Variants in LRRC43 observed in about 807,000 individuals in gnomAD.
LRRC43 encodes the protein leucine rich repeat containing 43, also known as leucine-rich repeat-containing protein 43.
Under a neutral mutation model 64.3 loss-of-function variants are expected in LRRC43, and 62 were observed. The ratio of observed to expected loss-of-function variants is 0.96; its 90% CI spans 0.79 to 1.19. The LOEUF is 1.19. LRRC43 is among the 50% of genes most tolerant of loss of function. The pLI is 0.00. For missense variants in LRRC43, 868 were observed against 845.0 expected (o/e 1.03, Z -0.34); for synonymous variants, 422 against 382.3 (o/e 1.10, Z -1.21).
chr12:122,180,010 C>T (rs1445037411), upstream of LRRC43, among the ~76,000 whole-genome samples: 2 of 147,182 alleles, frequency 1.4e-5, no homozygotes, highest in East Asian at 2.0e-4. Flanking sequence ...AGAAAAGTAA[C>T]ACCAGAAATA....
At chr12:122,179,375 C>A (rs894315622), upstream of LRRC43, among the ~76,000 whole-genome samples, 8 of 152,148 alleles carry the variant, frequency 5.3e-5, no homozygotes, top group African/African-American at 1.9e-4. Flanking sequence ...CAAAGTGCTG[C>A]GACTGTAGGT....
At position 122,184,417 on chromosome 12, in the gene LRRC43, AT is replaced by A. The variant is rs1953616557; in HGVS notation, c.151-101del. ...CCTACTCTCTAGATTTCTAAACTCT[AT>A]CCCTAATCGTCCAGTTTTATGATCT... On this transcript the variant is annotated intron_variant, in intron 1 of 11. Transcript: ENST00000339777. This position sits in a 1 kb window ranked among gnomAD's most constrained non-coding sequence, Gnocchi z 4.0. 8.5e-6 allele frequency: 12 copies of A among 1,416,124 alleles called. No individual in the cohort carries two copies. Among genetic ancestry groups the A allele is most frequent in the Admixed American group, 4.5e-5 (2 of 44,230 alleles). 87.7% of individuals were successfully genotyped at this position (1,416,124 alleles called of 1,614,324 possible).
At chr12:122,198,762 T>G (rs1477501028) in intron 7 of LRRC43, among the ~76,000 whole-genome samples, 1 of 147,352 alleles carries the variant, frequency 6.8e-6, no homozygotes, top group Non-Finnish European at 1.5e-5. Flanking sequence ...CCCAAGTAGC[T>G]GGGCTTACAG....
chr12:122,200,193 G>C lies in LRRC43; in HGVS notation c.1354G>C (p.Val452Leu). ...DPRLCPSPGT[V>L]LFSTAHKPWA... ...CTTCATCCCTCCCTCCCCAAGGACT[G>C]TCCTCTTCAGCACTGCCCACAAGCC... Residue 452 changes from valine (V) to leucine (L), a missense_variant, in exon 8 of 12, where the codon GTC becomes CTC. By Grantham distance (32) the Val-to-Leu change is conservative. Coordinates refer to ENST00000339777, the MANE Select transcript of LRRC43 (RefSeq NM_001098519.2). The surrounding 1 kb of genome is among the most constrained non-coding windows in gnomAD (Gnocchi z 4.6). 2 of 1,613,462 alleles carry C rather than the reference G, an allele frequency of 1.2e-6. No individual in the cohort carries two copies. The highest frequency in any genetic ancestry group is 1.7e-6 in the Non-Finnish European group (2 of 1,179,744).
chr12:122,187,181 A>G (rs1040935281), intron 3 of LRRC43, among the ~76,000 whole-genome samples: 1 of 152,084 alleles, frequency 6.6e-6, no homozygotes, highest in Non-Finnish European at 1.5e-5. Flanking sequence ...CAGTGAGCCA[A>G]GATTGTGCCA....
intron 1 of LRRC43, among the ~76,000 whole-genome samples, chr12:122,173,552 C>T (rs1162268953): frequency 2.0e-5 from 3 of 152,128 alleles, no homozygotes; most frequent in African/African-American, 2.4e-5. Flanking sequence ...GGCGTGGTGG[C>T]GCATGCCTGT....
intron 1 of LRRC43, among the ~76,000 whole-genome samples, chr12:122,169,113 CT>C (rs984262037): frequency 6.6e-6 from 1 of 152,146 alleles, no homozygotes; most frequent in African/African-American, 2.4e-5. Context: ...CCCCTGCCAC[CT>C]TACCGTATTC....
chr12:122,174,539 A>G (rs1289212360), intron 1 of LRRC43, among the ~76,000 whole-genome samples: 1 of 152,140 alleles, frequency 6.6e-6, no homozygotes, highest in East Asian at 1.9e-4. Context: ...CCATACCACC[A>G]AGGAGCGGGT....
upstream of LRRC43, among the ~76,000 whole-genome samples, chr12:122,181,233 T>G (rs1953577917): frequency 6.7e-6 from 1 of 150,300 alleles, no homozygotes; most frequent in Non-Finnish European, 1.5e-5. Context: ...AAAAAAAGGA[T>G]ATTTTCTTCT....
intron 1 of LRRC43, among the ~76,000 whole-genome samples, chr12:122,173,582 G>A (rs937512815): frequency 2.0e-5 from 3 of 152,018 alleles, no homozygotes; most frequent in Admixed American, 1.3e-4. Context: ...TACTCGGGAG[G>A]CTGAGGCAGG....
At chr12:122,174,011 C>G (rs372020143) in intron 1 of LRRC43, 93 of 1,613,554 alleles carry the variant, frequency 5.8e-5, no homozygotes, top group Non-Finnish European at 7.5e-5. Flanking sequence ...AGAACGATGC[C>G]GTGAGCGCAT....
At chr12:122,192,106 C>T (rs1023458897) in intron 6 of LRRC43, among the ~76,000 whole-genome samples, 1 of 151,874 alleles carries the variant, frequency 6.6e-6, no homozygotes, top group African/African-American at 2.4e-5. Context: ...ATAAGTCAGC[C>T]CCTTGTTCCC....
At chr12:122,203,033 G>A in intron 11 of LRRC43, among the ~76,000 whole-genome samples, 1 of 152,190 alleles carries the variant, frequency 6.6e-6, no homozygotes. Flanking sequence ...GGAGGTTGCA[G>A]TGAGCCGGGA....
At chr12:122,198,213 CTGACCT>C (rs1953791285) in intron 7 of LRRC43, among the ~76,000 whole-genome samples, 1 of 152,124 alleles carries the variant, frequency 6.6e-6, no homozygotes, top group African/African-American at 2.4e-5. Context: ...ACCAGAACTC[CTGACCT>C]TAAGTGATTC....
chr12:122,190,510 T>C, intron 5 of LRRC43, 142 bp downstream of exon 5: 1 of 652,904 alleles, frequency 1.5e-6, no homozygotes, highest in South Asian at 1.9e-5. Flanking sequence ...ATAGCCTCTC[T>C]TCTGGGTCAG....
chr12:122,182,113 C>T (rs1485062007), upstream of LRRC43, among the ~76,000 whole-genome samples: 2 of 150,968 alleles, frequency 1.3e-5, no homozygotes, highest in Non-Finnish European at 2.9e-5. Context: ...CATGGCTGGG[C>T]GTGGTGGCTC....
chr12:122,193,628 G>A (rs1352262261), intron 7 of LRRC43, among the ~76,000 whole-genome samples: 2 of 152,124 alleles, frequency 1.3e-5, no homozygotes, highest in African/African-American at 2.4e-5. Context: ...GCAGTGGTGC[G>A]ATCTCAGCTT....
At position 122,183,305 on chromosome 12, in the gene LRRC43, CG is replaced by C; in HGVS notation, c.150+15del. ...GGTGCCGGCAGCTGGGTGCGGGCGC[CG>C]GGGCCGGAACTCTGGGGGCCTGGAC... On this transcript the variant is annotated intron_variant, in intron 1 of 11. Coordinates refer to ENST00000339777, the MANE Select transcript of LRRC43 (RefSeq NM_001098519.2). 1 of 1,488,394 alleles carries C rather than the reference CG, an allele frequency of 6.7e-7. No homozygotes were observed. The highest frequency in any genetic ancestry group is 1.4e-5 in the South Asian group (1 of 73,872). The allele number at this position is 1,488,394 out of a possible 1,614,324, so 92.2% of individuals were successfully genotyped here.
chr12:122,200,532 A>T lies in LRRC43; in HGVS notation c.1492A>T (p.Ile498Phe), dbSNP rs762168479. 3.1e-6 allele frequency: 5 copies of T among 1,613,936 alleles called. No individual in the cohort carries two copies. In the Admixed American group the frequency reaches 8.3e-5, roughly 27 times the overall value. Residue 498 changes from isoleucine (I) to phenylalanine (F), a missense_variant and splice_region_variant, in exon 9 of 12, where the codon ATT (isoleucine) becomes TTT (phenylalanine). By Grantham distance (21) the Ile-to-Phe change is conservative. Coordinates refer to ENST00000339777, the MANE Select transcript of LRRC43 (RefSeq NM_001098519.2). The surrounding 1 kb of genome is among the most constrained non-coding windows in gnomAD (Gnocchi z 4.6). ...GTTVTIVEEK[I>F]LSWPVVLPAV... The stretch of plus-strand genomic sequence containing the variant: ...CTCGAGGATTCTCTCCTGCCCCTAG[A>T]TTCTCTCCTGGCCTGTGGTGCTACC...
Sources: allele counts gnomAD v4.1 joint callset (sites outside exome capture counted in the v4.1 genomes callset), GRCh38; gene constraint gnomAD v4.1.1; non-coding constraint Gnocchi (gnomAD v3.1); transcripts MANE v1.5; gene names NCBI Gene and HGNC (gene_info 2026-07-23, HGNC 2026-07-21).